Variants in SLC39A9 observed in about 807,000 individuals in gnomAD.
The protein encoded by SLC39A9 is solute carrier family 39 member 9.
In SLC39A9, 14 loss-of-function variants were observed where a neutral mutation model predicts 28.4. That is an observed-to-expected ratio of 0.49 (90% CI 0.33 to 0.77). SLC39A9 has a LOEUF of 0.77. SLC39A9 is among the 30% of genes least tolerant of loss of function. SLC39A9 has a pLI of 0.02. For synonymous variants in SLC39A9, 119 were observed against 149.6 expected (o/e 0.80, Z 1.49); for missense variants, 283 against 381.1 (o/e 0.74, Z 2.14).
chr14:69,459,420 C>G lies in SLC39A9; in HGVS notation c.*827C>G. 1 of 985,392 alleles carries G rather than the reference C, an allele frequency of 1.0e-6. No homozygotes were observed. The highest frequency in any genetic ancestry group is 1.2e-6 in the Non-Finnish European group (1 of 829,920). 61.0% of individuals were successfully genotyped at this position (985,392 alleles called of 1,614,324 possible). On this transcript the variant is annotated 3_prime_UTR_variant, in exon 7 of 7. Transcript: ENST00000336643. Reference sequence around the variant, plus strand: ...GTAGTTTCAGTTCTAGGCTTTCCTTCAAGAACAGTCAGATCACAAAGTGTC... The same window carrying G: ...GTAGTTTCAGTTCTAGGCTTTCCTTGAAGAACAGTCAGATCACAAAGTGTC...
rs1402909496 is a variant in SLC39A9 at position 69,458,310 on chromosome 14, AC to A, written c.694-50del. On this transcript the variant is annotated intron_variant, in intron 6 of 6. Transcript: ENST00000336643. ...GTTTTTTAACTGGGACTTCTTCCTGACCCTGAATTTTACTTGACTTAGTTTT... is the reference window on the plus strand; with the variant it reads ...GTTTTTTAACTGGGACTTCTTCCTGACCTGAATTTTACTTGACTTAGTTTT... The A allele has an allele frequency of 5.0e-6, 8 of 1,596,472 alleles. No homozygotes were observed. In the Admixed American group the frequency reaches 8.5e-5, roughly 17 times the overall value.
Position 69,414,573 on chromosome 14 carries a change from A to T in SLC39A9, c.97-9521A>T, listed in dbSNP as rs535667136. Among the ~76,000 whole-genome samples, 118 of 152,354 alleles carry T rather than the reference A, an allele frequency of 7.7e-4. 1 individual carries two copies. Among genetic ancestry groups the T allele is most frequent in the African/African-American group, 2.6e-3 (107 of 41,590 alleles). ...GAAAGAAGCCTTGTTAAAACTGAAT[A>T]TTCTAAAATGAATCCTTTCAGAAAT... On this transcript the variant is annotated intron_variant, in intron 1 of 6. Coordinates refer to ENST00000336643, the MANE Select transcript of SLC39A9 (RefSeq NM_018375.5).
chr14:69,403,290 C>A (rs1305452437), intron 1 of SLC39A9, among the ~76,000 whole-genome samples: 1 of 152,104 alleles, frequency 6.6e-6, no homozygotes. Context: ...GCCTATATTA[C>A]CTAGTATAAA....
intron 1 of SLC39A9, among the ~76,000 whole-genome samples, chr14:69,407,064 A>G (rs1348085764): frequency 6.6e-6 from 1 of 151,702 alleles, no homozygotes. Context: ...GTTAGCCAGG[A>G]TGATCTGGAT....
Position 69,461,915 on chromosome 14 carries a change from C to A in SLC39A9, c.*3322C>A. 1 of 585,094 alleles carries A rather than the reference C, an allele frequency of 1.7e-6. No individual in the cohort carries two copies. The highest frequency in any genetic ancestry group is 2.8e-6 in the Non-Finnish European group (1 of 351,854). 36.2% of individuals were successfully genotyped at this position (585,094 alleles called of 1,614,324 possible). A position where few individuals can be genotyped will look rare whatever the true frequency, so the allele number is the denominator to read the frequency against. Reference sequence around the variant, plus strand: ...GTGAAAATCCTCTGTAGTTGTTCTGCAGAGGAACCTTCCTTCCATTAGAAA... The same window carrying A: ...GTGAAAATCCTCTGTAGTTGTTCTGAAGAGGAACCTTCCTTCCATTAGAAA... On this transcript the variant is annotated 3_prime_UTR_variant, in exon 7 of 7. Transcript: ENST00000336643.
intron 6 of SLC39A9, among the ~76,000 whole-genome samples, chr14:69,457,990 CTAAGAG>C (rs539798400): frequency 4.1e-4 from 62 of 152,228 alleles, no homozygotes; most frequent in Non-Finnish European, 7.2e-4. Flanking sequence ...ATCAAAATTG[CTAAGAG>C]TAAATTTCAG....
intron 3 of SLC39A9, among the ~76,000 whole-genome samples, chr14:69,443,086 G>C (rs1885123476): frequency 6.6e-6 from 1 of 152,076 alleles, no homozygotes; most frequent in South Asian, 2.1e-4. Context: ...ATTTATCTTT[G>C]GCTAGGTCAA....
chr14:69,402,273 A>G (rs1882680854), intron 1 of SLC39A9, among the ~76,000 whole-genome samples: 1 of 152,156 alleles, frequency 6.6e-6, no homozygotes, highest in African/African-American at 2.4e-5. Context: ...AAGAAAGTTT[A>G]TGAATTTGTG....
At chr14:69,420,556 T>C (rs903391474) in intron 1 of SLC39A9, among the ~76,000 whole-genome samples, 1 of 152,214 alleles carries the variant, frequency 6.6e-6, no homozygotes, top group Non-Finnish European at 1.5e-5. Context: ...CCTTGCTATG[T>C]TGGGGAAGTT....
chr14:69,430,167 A>G (rs916035988), intron 2 of SLC39A9, among the ~76,000 whole-genome samples: 2 of 152,220 alleles, frequency 1.3e-5, no homozygotes, highest in Non-Finnish European at 2.9e-5. Flanking sequence ...TTCTCTTAAC[A>G]GTATCTTTTA....
chr14:69,454,934 G>A, intron 5 of SLC39A9, 37 bp downstream of exon 5: 1 of 1,496,372 alleles, frequency 6.7e-7, no homozygotes, highest in Non-Finnish European at 9.2e-7. Flanking sequence ...GGTATTGAGT[G>A]TATTCATAAT....
intron 2 of SLC39A9, among the ~76,000 whole-genome samples, chr14:69,440,942 C>T (rs1017269265): frequency 1.1e-4 from 16 of 152,176 alleles, no homozygotes; most frequent in Admixed American, 1.0e-3. Flanking sequence ...CGATTACAGG[C>T]ATGAGCCATT....
At chr14:69,412,288 C>T (rs1412417233) in intron 1 of SLC39A9, among the ~76,000 whole-genome samples, 4 of 151,646 alleles carry the variant, frequency 2.6e-5, no homozygotes, top group African/African-American at 9.7e-5. Context: ...GCTCAGGAGG[C>T]TGAGGCAGGA....
chr14:69,455,709 A>G (rs1885825423), intron 5 of SLC39A9, 23 bp from the exon 6 acceptor site: 2 of 1,613,982 alleles, frequency 1.2e-6, no homozygotes, highest in Non-Finnish European at 1.7e-6. Flanking sequence ...GAATGATAAT[A>G]AGAGATGATT....
chr14:69,445,902 A>G (rs1000766131), intron 3 of SLC39A9, among the ~76,000 whole-genome samples: 5 of 152,238 alleles, frequency 3.3e-5, no homozygotes, highest in African/African-American at 1.2e-4. Flanking sequence ...AGTGAATAAT[A>G]CAATCACACT....
chr14:69,442,221 T>C lies in SLC39A9; in HGVS notation c.358T>C (p.Leu120=). The change falls in exon 3 of 7, where the codon TTG becomes CTG. Residue 120 remains leucine (L), a synonymous_variant. Coordinates refer to ENST00000336643, the MANE Select transcript of SLC39A9 (RefSeq NM_018375.5). ...VSLVLGFVFM[L]LVDQIGNSHV... ...CCTCGTTCTGGGCTTCGTTTTCATG[T>C]TGCTGGTGGACCAGATTGGTAACTC... The C allele has an allele frequency of 6.2e-7, 1 of 1,614,212 alleles. No individual in the cohort carries two copies. The highest frequency in any genetic ancestry group is 8.5e-7 in the Non-Finnish European group (1 of 1,180,028).
At chr14:69,410,578 A>G (rs565535783) in intron 1 of SLC39A9, among the ~76,000 whole-genome samples, 8 of 152,368 alleles carry the variant, frequency 5.3e-5, no homozygotes, top group Non-Finnish European at 1.2e-4. Flanking sequence ...TTTCAGCTGT[A>G]AGGACTTGAA....
rs1308290343 is a variant in SLC39A9, at chr14:69,461,151, C to T, written c.*2558C>T. 3 of 987,028 alleles carry T rather than the reference C, an allele frequency of 3.0e-6. No individual in the cohort carries two copies. The highest frequency in any genetic ancestry group is 3.6e-6 in the Non-Finnish European group (3 of 831,010). 61.1% of individuals were successfully genotyped at this position (987,028 alleles called of 1,614,324 possible). Reference sequence around the variant, plus strand: ...GATTACAGATGGAATTATTGGCTACCAAAGAGACGCAATTGATGATGAGAA... The same window carrying T: ...GATTACAGATGGAATTATTGGCTACTAAAGAGACGCAATTGATGATGAGAA... On this transcript the variant is annotated 3_prime_UTR_variant, in exon 7 of 7. Coordinates refer to ENST00000336643, the MANE Select transcript of SLC39A9 (RefSeq NM_018375.5).
chr14:69,421,201 T>C (rs1883872120), intron 1 of SLC39A9, among the ~76,000 whole-genome samples: 2 of 152,240 alleles, frequency 1.3e-5, no homozygotes, highest in Admixed American at 6.5e-5. Flanking sequence ...TTTTTGTTGA[T>C]GTTGATGCTA....
Sources: gnomAD v4.1 joint callset for allele counts (sites outside exome capture counted in the v4.1 genomes callset) on GRCh38, gnomAD v4.1.1 for gene constraint, MANE v1.5 for transcripts, NCBI Gene and HGNC (gene_info 2026-07-23, HGNC 2026-07-21) for gene names.